The following CAMTA1 variants were observed in gnomAD, a reference collection of about 807,000 sequenced individuals.
CAMTA1 encodes the protein calmodulin binding transcription activator 1.
CAMTA1 carries 27 observed loss-of-function variants against 170.9 expected under a neutral mutation model. The ratio of observed to expected loss-of-function variants is 0.16; its 90% confidence interval spans 0.12 to 0.22. The LOEUF is 0.22. Among genes scored for constraint, CAMTA1 ranks in the 10% least tolerant of loss-of-function variants. The pLI is 1.00. For missense variants in CAMTA1, 1,619 were observed against 2,217.2 expected, an observed-to-expected ratio of 0.73 and a Z score of 5.42; for synonymous variants, 833 against 891.5, an observed-to-expected ratio of 0.93 and a Z score of 1.17.
intron 3 of CAMTA1, among the ~76,000 whole-genome samples, chr1:6,955,169 G>C (rs945719559): frequency 2.0e-5 from 3 of 151,998 alleles, no homozygotes; most frequent in African/African-American, 4.8e-5. Flanking sequence ...GAGCTGGGGT[G>C]GGGGGTTGGG....
intron 1 of CAMTA1, among the ~76,000 whole-genome samples, chr1:6,811,082 A>G (rs1645111944): frequency 6.6e-6 from 1 of 152,214 alleles, no homozygotes; most frequent in Admixed American, 6.5e-5. Flanking sequence ...CTCTCCTGTT[A>G]GACAAATGAA....
intron 11 of CAMTA1, among the ~76,000 whole-genome samples, chr1:7,679,190 T>A (rs4908678): frequency 6.6e-6 from 1 of 152,048 alleles, no homozygotes; most frequent in Non-Finnish European, 1.5e-5. Context: ...TTAGGAAATC[T>A]GGTTTTAGTT....
Position 7,634,169 on chromosome 1 carries a change from C to T in CAMTA1, c.511-6231C>T, listed in dbSNP as rs1045402407. ...AGGGAGGAGCAGACGTGAGGACACC[C>T]GGGAGGAGGGCACACTCCCACGTGC... On this transcript the variant is annotated intron_variant, in intron 6 of 22. Coordinates refer to ENST00000303635, the MANE Select transcript of CAMTA1 (RefSeq NM_015215.4). The surrounding 1 kb of genome is among the most constrained non-coding windows in gnomAD (Gnocchi z 6.2). Among the ~76,000 whole-genome samples, 3 of 152,090 alleles carry T rather than the reference C, an allele frequency of 2.0e-5. No individual in the cohort carries two copies. Among genetic ancestry groups the T allele is most frequent in the South Asian group, 2.1e-4 (1 of 4,810 alleles).
rs911191505 is a variant in CAMTA1, at chr1:7,112,977, C to T, written c.302+21606C>T. Among the ~76,000 whole-genome samples, 3 of 152,238 alleles carry T rather than the reference C, an allele frequency of 2.0e-5. No individual in the cohort carries two copies. In the East Asian group the frequency reaches 5.8e-4, roughly 29 times the overall value. On this transcript the variant is annotated intron_variant, in intron 4 of 22. Coordinates refer to ENST00000303635, the MANE Select transcript of CAMTA1 (RefSeq NM_015215.4). ...ATTTTCTCATGCTGCTTCCTTCACC[C>T]CATTGGTGGAAACCTTTCCCGGCAG...
At chr1:6,941,994 C>T (rs900936122) in intron 3 of CAMTA1, among the ~76,000 whole-genome samples, 2 of 152,160 alleles carry the variant, frequency 1.3e-5, no homozygotes, top group South Asian at 2.1e-4. Flanking sequence ...GTCAGGGCTG[C>T]GCTGCTGTCC....
intron 4 of CAMTA1, among the ~76,000 whole-genome samples, chr1:7,241,417 C>T (rs1000694014): frequency 2.0e-5 from 3 of 152,184 alleles, no homozygotes; most frequent in African/African-American, 4.8e-5. Flanking sequence ...AAAATTCTAG[C>T]AGCCTTTTTT....
In CAMTA1 at chr1:7,570,445, T is replaced by C. The variant is rs896091267; in HGVS notation, c.511-69955T>C. On this transcript the variant is annotated intron_variant, in intron 6 of 22. Coordinates refer to ENST00000303635, the MANE Select transcript of CAMTA1 (RefSeq NM_015215.4). The surrounding 1 kb of genome is among the most constrained non-coding windows in gnomAD (Gnocchi z 4.3). ...CCAGGGGCAAACCCGGACCAGCCCG[T>C]GCATGTGCCAAGGGCTGGCCCAGGA... Among the ~76,000 whole-genome samples the C allele has an allele frequency of 5.3e-5, 8 of 152,292 alleles. No homozygotes were observed. The highest frequency in any genetic ancestry group is 1.7e-4 in the African/African-American group (7 of 41,556).
intron 6 of CAMTA1, among the ~76,000 whole-genome samples, chr1:7,596,478 C>G (rs2095401118): frequency 1.3e-5 from 2 of 152,218 alleles, no homozygotes; most frequent in Non-Finnish European, 2.9e-5. Context: ...CGCAGGTGCC[C>G]ACTTCCCTGT....
At chr1:7,150,986 C>T (rs757782928) in intron 4 of CAMTA1, among the ~76,000 whole-genome samples, 1 of 152,182 alleles carries the variant, frequency 6.6e-6, no homozygotes, top group Non-Finnish European at 1.5e-5. Context: ...CATTTGTTTA[C>T]AGGGCGAAAA....
chr1:7,407,562 C>A (rs1470398949), intron 5 of CAMTA1, among the ~76,000 whole-genome samples: 1 of 152,146 alleles, frequency 6.6e-6, no homozygotes, highest in African/African-American at 2.4e-5. Flanking sequence ...CTCACCTCCC[C>A]ACCCCCAAAT....
rs1216440336 is a variant in CAMTA1 at position 7,293,763 on chromosome 1, T to C, written c.438+44137T>C. Among the ~76,000 whole-genome samples, 1 of 152,222 alleles carries C rather than the reference T, an allele frequency of 6.6e-6. No individual in the cohort carries two copies. The highest frequency in any genetic ancestry group is 1.5e-5 in the Non-Finnish European group (1 of 68,046). Reference sequence around the variant, plus strand: ...CCCCTGGGGAGCATCTTCTTGGTTCTTGTAATGTTGCTGCCTCCCGATGGC... The same window carrying C: ...CCCCTGGGGAGCATCTTCTTGGTTCCTGTAATGTTGCTGCCTCCCGATGGC... On this transcript the variant is annotated intron_variant, in intron 5 of 22. Transcript: ENST00000303635. The surrounding 1 kb of genome is among the most constrained non-coding windows in gnomAD (Gnocchi z 4.1).
At chr1:7,339,887 G>A (rs2083666488) in intron 5 of CAMTA1, among the ~76,000 whole-genome samples, 1 of 152,124 alleles carries the variant, frequency 6.6e-6, no homozygotes, top group African/African-American at 2.4e-5. Context: ...ATAAACCACT[G>A]CACCCAGCTG....
At chr1:6,941,568 C>G (rs868197963) in intron 3 of CAMTA1, among the ~76,000 whole-genome samples, 1 of 152,194 alleles carries the variant, frequency 6.6e-6, no homozygotes, top group African/African-American at 2.4e-5. Context: ...GGGTGGGGCT[C>G]CAGTCAGCCC....
intron 4 of CAMTA1, among the ~76,000 whole-genome samples, chr1:7,159,457 A>G (rs1432691004): frequency 1.3e-5 from 2 of 152,184 alleles, no homozygotes; most frequent in East Asian, 3.9e-4. Context: ...CCCACAGGCT[A>G]CCGACTTCCC....
intron 3 of CAMTA1, among the ~76,000 whole-genome samples, chr1:6,871,303 G>C (rs919562743): frequency 1.3e-5 from 2 of 152,046 alleles, no homozygotes; most frequent in African/African-American, 2.4e-5. Context: ...TCACTTTATT[G>C]CTGTCTTCTA....
chr1:7,386,904 C>T (rs1163541054), intron 5 of CAMTA1, among the ~76,000 whole-genome samples: 5 of 152,302 alleles, frequency 3.3e-5, no homozygotes, highest in East Asian at 1.9e-4. Flanking sequence ...CGGCAGTCTC[C>T]GCTGGTGACG....
Position 7,007,004 on chromosome 1 carries a change from TAAA to T in CAMTA1, c.235-84284_235-84282del, listed in dbSNP as rs749633945. ...TCTTAACAAGAATGTCAGATGGTAGTAAAAAAAAAAAAAAAAAATAAGAATTTT... is the reference window on the plus strand; with the variant it reads ...TCTTAACAAGAATGTCAGATGGTAGTAAAAAAAAAAAAAAATAAGAATTTT... On this transcript the variant is annotated intron_variant, in intron 3 of 22. Transcript: ENST00000303635. This position sits in a 1 kb window ranked among gnomAD's most constrained non-coding sequence, Gnocchi z 4.5. 2.9e-5 allele frequency among the ~76,000 whole-genome samples: 4 copies of T among 136,844 alleles called. No homozygotes were observed. The highest frequency in any genetic ancestry group is 3.2e-5 in the Non-Finnish European group (2 of 62,736). The allele number at this position is 136,844 out of a possible 152,430, so 89.8% of individuals were successfully genotyped here.
In CAMTA1 at chr1:7,532,375, C is replaced by T. The variant is rs2094502014; in HGVS notation, c.510+64474C>T. 6.6e-6 allele frequency among the ~76,000 whole-genome samples: 1 copy of T among 152,128 alleles called. No individual in the cohort carries two copies. Among genetic ancestry groups the T allele is most frequent in the Non-Finnish European group, 1.5e-5 (1 of 68,022 alleles). On this transcript the variant is annotated intron_variant, in intron 6 of 22. Coordinates refer to ENST00000303635, the MANE Select transcript of CAMTA1 (RefSeq NM_015215.4). This position sits in a 1 kb window ranked among gnomAD's most constrained non-coding sequence, Gnocchi z 4.2. Reference sequence around the variant, plus strand: ...GGAGTGCAGTGGTATAGTCACAGCACACCGCAGCCTCCTGGGCTCAAGTGA... The same window carrying T: ...GGAGTGCAGTGGTATAGTCACAGCATACCGCAGCCTCCTGGGCTCAAGTGA...
chr1:7,104,041 AAC>A (rs140952517), intron 4 of CAMTA1, among the ~76,000 whole-genome samples: 12 of 150,332 alleles, frequency 8.0e-5, no homozygotes, highest in East Asian at 3.9e-4. Context: ...ATATGCATAC[AAC>A]ACACACAACT....
Sources: allele counts gnomAD v4.1 joint callset (sites outside exome capture counted in the v4.1 genomes callset), GRCh38; gene constraint gnomAD v4.1.1; non-coding constraint Gnocchi (gnomAD v3.1); transcripts MANE v1.5; gene names NCBI Gene and HGNC (gene_info 2026-07-23, HGNC 2026-07-21).